The following BAZ1A variants were observed in gnomAD, a reference collection of about 807,000 sequenced individuals.
BAZ1A encodes the protein bromodomain adjacent to zinc finger domain protein 1A.
A neutral mutation model predicts 185.2 loss-of-function variants in BAZ1A; 50 were observed. That is an observed-to-expected ratio of 0.27 (90% CI 0.22 to 0.34). The LOEUF (loss-of-function observed/expected upper bound fraction) is 0.34, where lower values mean the gene tolerates loss of function less well. Ranked by LOEUF, BAZ1A falls within the 10% of genes least tolerant of loss-of-function variation. The pLI is 1.00. For missense variants in BAZ1A, 1,356 were observed against 1,839.9 expected (o/e 0.74, Z 4.81); for synonymous variants, 571 against 615.6 (o/e 0.93, Z 1.07).
intron 3 of BAZ1A, among the ~76,000 whole-genome samples, chr14:34,854,713 G>A (rs28722985): frequency 0.015 from 2,210 of 152,160 alleles, 61 homozygotes; most frequent in African/African-American, 0.051. Flanking sequence ...CCTGCCCTTC[G>A]CTATCACTAC....
chr14:34,851,650 C>T (rs950253771), intron 3 of BAZ1A, among the ~76,000 whole-genome samples: 1 of 151,246 alleles, frequency 6.6e-6, no homozygotes, highest in African/African-American at 2.4e-5. Context: ...ATTGTGTTTG[C>T]TCAAAAAAAA....
At chr14:34,842,381 C>G (rs2042429346) in intron 3 of BAZ1A, among the ~76,000 whole-genome samples, 1 of 152,126 alleles carries the variant, frequency 6.6e-6, no homozygotes, top group East Asian at 1.9e-4. Flanking sequence ...AAGAAAAAGG[C>G]TTAAACATTG....
intron 25 of BAZ1A, among the ~76,000 whole-genome samples, chr14:34,756,069 G>A (rs1456859561): frequency 2.1e-5 from 3 of 146,076 alleles, no homozygotes; most frequent in Non-Finnish European, 4.4e-5. Context: ...TCAAACTCCT[G>A]GGCTCAAGCG....
At chr14:34,823,334 A>T (rs1298236663) in intron 4 of BAZ1A, among the ~76,000 whole-genome samples, 1 of 151,448 alleles carries the variant, frequency 6.6e-6, no homozygotes, top group Non-Finnish European at 1.5e-5. Flanking sequence ...AGCCTGGGCG[A>T]CAGAGTGAGA....
At chr14:34,838,542 G>GAC (rs1408513660) in intron 3 of BAZ1A, among the ~76,000 whole-genome samples, 1 of 149,152 alleles carries the variant, frequency 6.7e-6, no homozygotes, top group Non-Finnish European at 1.5e-5. Context: ...TTTTTTTGGA[G>GAC]ACAGAGTCTC....
At chr14:34,777,644 C>CAA (rs58853458) in intron 17 of BAZ1A, among the ~76,000 whole-genome samples, 9,613 of 125,618 alleles carry the variant, frequency 0.077, 445 homozygotes, top group Middle Eastern at 0.14. Flanking sequence ...ACTCTGTCTC[C>CAA]AAAAAAAAAA....
chr14:34,833,400 C>A (rs936999587), intron 3 of BAZ1A, among the ~76,000 whole-genome samples: 16 of 152,022 alleles, frequency 1.1e-4, no homozygotes, highest in Non-Finnish European at 1.9e-4. Flanking sequence ...TGGTGGCGCG[C>A]GCCTATAATC....
chr14:34,823,932 T>C (rs1168671298), intron 4 of BAZ1A, among the ~76,000 whole-genome samples: 2 of 152,272 alleles, frequency 1.3e-5, no homozygotes, highest in East Asian at 1.9e-4. Flanking sequence ...ATCTTTGACA[T>C]TGTCCAAACA....
At chr14:34,842,298 T>A (rs2042427007) in intron 3 of BAZ1A, among the ~76,000 whole-genome samples, 2 of 152,230 alleles carry the variant, frequency 1.3e-5, no homozygotes, top group Admixed American at 1.3e-4. Context: ...GAAATATTTG[T>A]TTCCCCCATA....
At chr14:34,785,325 A>C (rs1594836768) in intron 14 of BAZ1A, among the ~76,000 whole-genome samples, 1 of 152,264 alleles carries the variant, frequency 6.6e-6, no homozygotes, top group South Asian at 2.1e-4. Context: ...ATTCTACTTT[A>C]CTGTATGTTC....
intron 3 of BAZ1A, among the ~76,000 whole-genome samples, chr14:34,830,312 A>C (rs1316692934): frequency 6.6e-6 from 1 of 152,120 alleles, no homozygotes; most frequent in Admixed American, 6.6e-5. Flanking sequence ...AAAAAAAAAT[A>C]GGAATGAAGT....
chr14:34,854,870 A>G (rs1433649159), intron 3 of BAZ1A, among the ~76,000 whole-genome samples: 1 of 152,226 alleles, frequency 6.6e-6, no homozygotes, highest in Non-Finnish European at 1.5e-5. Context: ...ACCTGAGGTC[A>G]GGAGTTCGAG....
At chr14:34,852,767 C>CG (rs1017545202) in intron 3 of BAZ1A, among the ~76,000 whole-genome samples, 9 of 152,010 alleles carry the variant, frequency 5.9e-5, no homozygotes, top group Non-Finnish European at 8.8e-5. Flanking sequence ...CCCTATAAGG[C>CG]GGGGGGTTCA....
chr14:34,867,129 C>T (rs895448747), intron 2 of BAZ1A, among the ~76,000 whole-genome samples: 3 of 151,998 alleles, frequency 2.0e-5, no homozygotes, highest in South Asian at 2.1e-4. Context: ...CGTGGTGGCA[C>T]GCGCCTGTAG....
chr14:34,825,201 C>A (rs1294762874), intron 4 of BAZ1A, among the ~76,000 whole-genome samples: 1 of 152,094 alleles, frequency 6.6e-6, no homozygotes, highest in Non-Finnish European at 1.5e-5. Context: ...CGCCTGTAAT[C>A]CCAACATTTT....
At chr14:34,852,519 T>G (rs2042613531) in intron 3 of BAZ1A, among the ~76,000 whole-genome samples, 1 of 152,058 alleles carries the variant, frequency 6.6e-6, no homozygotes, top group Non-Finnish European at 1.5e-5. Context: ...CTTGGGAGGC[T>G]GGGGCATGAG....
chr14:34,821,100 G>A (rs7342501), intron 4 of BAZ1A, among the ~76,000 whole-genome samples: 23 of 152,000 alleles, frequency 1.5e-4, no homozygotes, highest in Admixed American at 1.4e-3. Flanking sequence ...AATAACTTGC[G>A]GGGATTTTGA....
At chr14:34,858,448 A>G (rs892601421) in intron 3 of BAZ1A, among the ~76,000 whole-genome samples, 2 of 152,146 alleles carry the variant, frequency 1.3e-5, no homozygotes, top group African/African-American at 2.4e-5. Context: ...TAGTGCTCAC[A>G]GCAAGTTACA....
chr14:34,759,321 T>C (rs1227437424), intron 24 of BAZ1A, among the ~76,000 whole-genome samples: 3 of 151,194 alleles, frequency 2.0e-5, no homozygotes, highest in Admixed American at 6.6e-5. Flanking sequence ...GCTGGAACTA[T>C]AGGCACCCGC....
Sources: gnomAD v4.1 joint callset for allele counts (sites outside exome capture counted in the v4.1 genomes callset) on GRCh38, gnomAD v4.1.1 for gene constraint, MANE v1.5 for transcripts, NCBI Gene and HGNC (gene_info 2026-07-23, HGNC 2026-07-21) for gene names.